FAT2: variants seen among roughly 807,000 people sequenced by gnomAD.
FAT2 encodes the protein FAT atypical cadherin 2.
Under a neutral mutation model 295.3 loss-of-function variants are expected in FAT2, and 150 were observed. The ratio of observed to expected loss-of-function variants is 0.51; its 90% confidence interval spans 0.44 to 0.58. FAT2 has a LOEUF of 0.58. Among genes scored for constraint, FAT2 ranks in the 20% least tolerant of loss-of-function variants. The pLI, the probability that FAT2 is intolerant of heterozygous loss-of-function variation, is 0.00. For synonymous variants in FAT2, 2,026 were observed against 2,150.3 expected (o/e 0.94, Z 1.60); for missense variants, 4,868 against 5,442.7 (o/e 0.89, Z 3.32).
chr5:151,551,671 G>A lies in FAT2; in HGVS notation c.4157-65C>T, dbSNP rs1757225738. On this transcript the variant is annotated intron_variant, in intron 6 of 23. Coordinates refer to ENST00000261800, the MANE Select transcript of FAT2 (RefSeq NM_001447.3). ...GATTTAGGCAGCATAGCATAAGATA[G>A]GCTTTGGTTGTCAGGCTCAGAGGAC... 1.1e-5 allele frequency: 17 copies of A among 1,568,128 alleles called. No homozygotes were observed. In the Admixed American group the frequency reaches 2.9e-4, roughly 26 times the overall value.
chr5:151,544,322 G>T lies in FAT2; in HGVS notation c.6805C>A (p.Pro2269Thr). The T allele has an allele frequency of 6.2e-7, 1 of 1,614,156 alleles. No individual in the cohort carries two copies. The highest frequency in any genetic ancestry group is 8.5e-7 in the Non-Finnish European group (1 of 1,180,030). ...EVLVEDVNDN[P>T]PTFSQLVYTT... ...TAGACCAATTGGGAAAAAGTGGGAG[G>T]GTTATCATTGACATCCTCCACTAGG... Residue 2269 changes from proline (P) to threonine (T), a missense_variant, in exon 10 of 24, where the codon CCT becomes ACT. Around this residue, in one of 5 missense-constraint regions of FAT2, gnomAD observed 3,297 missense variants for 3,669.4 expected, o/e 0.90. Coordinates refer to ENST00000261800, the MANE Select transcript of FAT2 (RefSeq NM_001447.3).
At chr5:151,515,213 C>A (rs1752731403) in intron 20 of FAT2, among the ~76,000 whole-genome samples, 1 of 152,184 alleles carries the variant, frequency 6.6e-6, no homozygotes, top group Non-Finnish European at 1.5e-5. Flanking sequence ...CACTTGGCTT[C>A]CTGCATACAA....
chr5:151,522,030 G>C lies in FAT2; in HGVS notation c.10563C>G (p.Val3521=), dbSNP rs1340495601. Residue 3521 remains valine, a synonymous_variant, in exon 19 of 24, where the codon GTC becomes GTG. Transcript: ENST00000261800. ...AAGGTGCATAGTGGCTCTGCTCTGT[G>C]ACATGGACACGGACAGACGTCAAAG... is the stretch of plus-strand genomic sequence containing the variant. ...LSSLTSVRVH[V]TEQSHYAPSA... is the part of the protein sequence containing the mutation. The C allele has an allele frequency of 2.5e-6, 4 of 1,612,326 alleles. No homozygotes were observed. The African/African-American group carries it at 5.3e-5, about 22-fold the overall frequency.
At chr5:151,517,801 A>AGTG in intron 19 of FAT2, 36 bp from the exon 20 acceptor site, 2 of 1,612,162 alleles carry the variant, frequency 1.2e-6, no homozygotes, top group Non-Finnish European at 1.7e-6. Context: ...CTCTACTTGA[A>AGTG]GTGGTCCCCA....
chr5:151,562,020 G>A (rs1453938757), intron 3 of FAT2, among the ~76,000 whole-genome samples: 1 of 152,122 alleles, frequency 6.6e-6, no homozygotes, highest in East Asian at 1.9e-4. Flanking sequence ...GAGGGACAGG[G>A]TAGGCCCAGG....
At chr5:151,520,188 G>GCAGGT (rs1259434824) in intron 19 of FAT2, among the ~76,000 whole-genome samples, 3 of 152,240 alleles carry the variant, frequency 2.0e-5, no homozygotes, top group Non-Finnish European at 4.4e-5. Flanking sequence ...CCCATAAAGG[G>GCAGGT]CAGGTCAGGC....
rs755722289 is a variant in FAT2 at position 151,565,813 on chromosome 5, T to G, written c.3119A>C (p.Gln1040Pro). 1.3e-4 allele frequency: 207 copies of G among 1,614,070 alleles called. No individual in the cohort carries two copies. The highest frequency in any genetic ancestry group is 1.7e-4 in the Non-Finnish European group (204 of 1,180,038). ...TCCCGAGGGGCTGTTCTCCTGCACC[T>G]GGCCCTGGTGCACGAAGGAGGCAAA... ...PHFASFVHQG[Q>P]VQENSPSGTQ... Residue 1040 changes from glutamine to proline, a missense_variant, in exon 2 of 24, where the codon CAG (glutamine) becomes CCG (proline). Gln to Pro is a moderately conservative substitution (Grantham distance 76). Transcript: ENST00000261800.
chr5:151,508,761 G>T (rs971567580), intron 22 of FAT2, among the ~76,000 whole-genome samples: 18 of 152,034 alleles, frequency 1.2e-4, no homozygotes, highest in African/African-American at 4.3e-4. Context: ...GTAATCATGG[G>T]AAAGCCCTTT....
Position 151,537,823 on chromosome 5 carries a change from C to A in FAT2, c.9163G>T (p.Ala3055Ser), listed in dbSNP as rs771902490. 4 of 1,613,846 alleles carry A rather than the reference C, an allele frequency of 2.5e-6. No individual in the cohort carries two copies. The highest frequency in any genetic ancestry group is 3.4e-6 in the Non-Finnish European group (4 of 1,179,832). Residue 3055 changes from alanine to serine, a missense_variant, in exon 12 of 24, where the codon GCG (alanine) becomes TCG (serine). By Grantham distance (99) the Ala-to-Ser change is moderately conservative. Coordinates refer to ENST00000261800, the MANE Select transcript of FAT2 (RefSeq NM_001447.3). Reference sequence around the variant, plus strand: ...TGAGGATCCAGCTTGAATTCATGCGCCCCAGGGCCATGCAGAGAATATGTG... The same window carrying A: ...TGAGGATCCAGCTTGAATTCATGCGACCCAGGGCCATGCAGAGAATATGTG... ...QITYSLHGPGAHEFKLDPHTG... is the reference protein window; with the variant it reads ...QITYSLHGPGSHEFKLDPHTG...
intron 9 of FAT2, among the ~76,000 whole-genome samples, chr5:151,547,485 A>G (rs1053959704): frequency 2.0e-5 from 3 of 152,192 alleles, no homozygotes; most frequent in African/African-American, 7.2e-5. Context: ...TGCACTTTAC[A>G]TGTCTTATTC....
At position 151,591,263 on chromosome 5, in the gene FAT2, A is replaced by G. The variant is rs1306554444; in HGVS notation, c.-119T>C. Among the ~76,000 whole-genome samples the G allele has an allele frequency of 1.3e-5, 2 of 152,106 alleles. No homozygotes were observed. Among genetic ancestry groups the G allele is most frequent in the African/African-American group, 4.8e-5 (2 of 41,376 alleles). ...TGACAGGCTCCTGAGGGAGGTGCAGAGACTCGGAGCAGGAAGGCGCGCAGC... is the reference window on the plus strand; with the variant it reads ...TGACAGGCTCCTGAGGGAGGTGCAGGGACTCGGAGCAGGAAGGCGCGCAGC... On this transcript the variant is annotated 5_prime_UTR_variant, in exon 1 of 24. Transcript: ENST00000261800.
chr5:151,558,746 TC>T (rs1410290470), intron 3 of FAT2, among the ~76,000 whole-genome samples: 4 of 152,198 alleles, frequency 2.6e-5, no homozygotes, highest in South Asian at 2.1e-4. Context: ...TACTGGCTCT[TC>T]CCATGACAGG....
Position 151,512,825 on chromosome 5 carries a change from A to G in FAT2, c.11464-219T>C, listed in dbSNP as rs1010993206. On this transcript the variant is annotated intron_variant, in intron 20 of 23. Transcript: ENST00000261800. This position sits in a 1 kb window ranked among gnomAD's most constrained non-coding sequence, Gnocchi z 4.1. Reference sequence around the variant, plus strand: ...CCACACCCCATGGGATGGTCTGGGTAGGGGGTGACATCTCCATTCACAGAT... The same window carrying G: ...CCACACCCCATGGGATGGTCTGGGTGGGGGGTGACATCTCCATTCACAGAT... 2 of 572,598 alleles carry G rather than the reference A, an allele frequency of 3.5e-6. No homozygotes were observed. Among genetic ancestry groups the G allele is most frequent in the African/African-American group, 3.7e-5 (2 of 53,498 alleles). The allele number at this position is 572,598 out of a possible 1,614,324, so 35.5% of individuals were successfully genotyped here. A position where few individuals can be genotyped will look rare whatever the true frequency, so the allele number is the denominator to read the frequency against.
chr5:151,569,417 G>T (rs1351544845), intron 1 of FAT2, among the ~76,000 whole-genome samples: 10 of 152,072 alleles, frequency 6.6e-5, no homozygotes, highest in Non-Finnish European at 1.5e-5. Flanking sequence ...AACAGCATGA[G>T]AAAAACACAC....
In FAT2 at chr5:151,543,937, A is replaced by C; in HGVS notation, c.7190T>G (p.Leu2397Arg). The C allele has an allele frequency of 1.2e-6, 2 of 1,614,160 alleles. No individual in the cohort carries two copies. Among genetic ancestry groups the C allele is most frequent in the Non-Finnish European group, 1.7e-6 (2 of 1,180,044 alleles). The change falls in exon 10 of 24, where the codon CTG (leucine) becomes CGG (arginine). Residue 2397 changes from leucine to arginine, a missense_variant. Around this residue, in one of 5 missense-constraint regions of FAT2, gnomAD observed 3,297 missense variants for 3,669.4 expected, o/e 0.90. Transcript: ENST00000261800. ...GTCAATAGCCTGGACTTTAAGAACC[A>C]GGTGTCCACAGGTTGCCAGTTCACT... is the stretch of plus-strand genomic sequence containing the variant. ...NVSELATCGHLVLKVQAIDPD... is the reference protein window; with the variant it reads ...NVSELATCGHRVLKVQAIDPD...
Position 151,534,506 on chromosome 5 carries a change from G to T in FAT2, c.9330C>A (p.Ala3110=). The change falls in exon 13 of 24, where the codon GCC becomes GCA. Residue 3110 remains alanine (A), a synonymous_variant. Transcript: ENST00000261800. ...CACAGTGGCTGGGGAAGAACCGCGGGGCATTGTCATTCACATCCTCCACAT... is the reference window on the plus strand; with the variant it reads ...CACAGTGGCTGGGGAAGAACCGCGGTGCATTGTCATTCACATCCTCCACAT... ...TLHVEDVNDN[A]PRFFPSHCAV... is the part of the protein sequence containing the mutation. 1 of 1,614,032 alleles carries T rather than the reference G, an allele frequency of 6.2e-7. No homozygotes were observed. The highest frequency in any genetic ancestry group is 1.1e-5 in the South Asian group (1 of 91,056).
At chr5:151,571,722 G>C (rs1358084916) in intron 1 of FAT2, among the ~76,000 whole-genome samples, 1 of 152,204 alleles carries the variant, frequency 6.6e-6, no homozygotes, top group East Asian at 1.9e-4. Context: ...AAGCTTGCAG[G>C]GCGCAGAAGC....
chr5:151,568,185 G>A lies in FAT2; in HGVS notation c.747C>T (p.Ala249=), dbSNP rs1346187270. 1.2e-6 allele frequency: 2 copies of A among 1,614,058 alleles called. No individual in the cohort carries two copies. Among genetic ancestry groups the A allele is most frequent in the South Asian group, 2.2e-5 (2 of 91,052 alleles). ...LAALVVHVEP[A]LRKPPAIASV... ...AAGCAATGGCTGGGGGCTTCCTGAG[G>A]GCAGGCTCCACATGAACCACAAGTG... Residue 249 remains alanine, a synonymous_variant, in exon 2 of 24, where the codon GCC becomes GCT. Transcript: ENST00000261800.
intron 1 of FAT2, among the ~76,000 whole-genome samples, chr5:151,581,274 G>C (rs1758945814): frequency 6.6e-6 from 1 of 152,146 alleles, no homozygotes; most frequent in East Asian, 1.9e-4. Context: ...AAAGCGGTGG[G>C]CACAGTGCCT....
Sources: gnomAD v4.1 joint callset for allele counts (sites outside exome capture counted in the v4.1 genomes callset) on GRCh38, gnomAD v4.1.1 for gene constraint, gnomAD v4.1.1 regional missense constraint, Gnocchi (gnomAD v3.1) non-coding constraint, MANE v1.5 for transcripts, NCBI Gene and HGNC (gene_info 2026-07-23, HGNC 2026-07-21) for gene names.